The following TTC23L variants were observed in gnomAD, a reference collection of about 807,000 sequenced individuals.
TTC23L encodes tetratricopeptide repeat domain 23 like.
TTC23L carries 42 observed loss-of-function variants against 48.1 expected under a neutral mutation model. That is an observed-to-expected ratio of 0.87 (90% confidence interval 0.68 to 1.13). TTC23L has a LOEUF of 1.13. Ranked by LOEUF, TTC23L falls within the 50% of genes most tolerant of loss-of-function variation. The pLI, the probability that TTC23L is intolerant of heterozygous loss-of-function variation, is 0.00. For synonymous variants in TTC23L, 159 were observed against 157.2 expected (o/e 1.01, Z -0.09); for missense variants, 391 against 421.0 (o/e 0.93, Z 0.62).
chr5:34,902,339 C>G, downstream of TTC23L: 2 of 277,528 alleles, frequency 7.2e-6, no homozygotes, highest in South Asian at 6.6e-5. Context: ...TCACTTGAAC[C>G]TGGGAGGTGG....
chr5:34,894,846 C>A (rs1190742988), intron 9 of TTC23L, among the ~76,000 whole-genome samples: 1 of 151,722 alleles, frequency 6.6e-6, no homozygotes, highest in African/African-American at 2.4e-5. Flanking sequence ...AGGTGCCTGG[C>A]ACATAGTATG....
At chr5:34,897,109 G>T (rs1206938419) in intron 10 of TTC23L, among the ~76,000 whole-genome samples, 1 of 152,146 alleles carries the variant, frequency 6.6e-6, no homozygotes. Context: ...CCTTCGGCTG[G>T]GTGCTGTAGC....
the TTC23L span, chr5:34,925,139 T>A: frequency 6.9e-7 from 1 of 1,451,914 alleles, no homozygotes; most frequent in Non-Finnish European, 9.1e-7. Context: ...GCTGAAAGGA[T>A]ATATGGTTCA....
In TTC23L at chr5:34,887,131, G is replaced by A. The variant is rs147402825; in HGVS notation, c.1077+6823G>A. ...AGAAGCAGTCTACATCAGGTTCGCA[G>A]GGAGTTTCATCTGATTTCAGGGTAA... On this transcript the variant is annotated intron_variant, in intron 9 of 10. Transcript: ENST00000505624. Among the ~76,000 whole-genome samples the A allele has an allele frequency of 7.5e-3, 1,141 of 152,296 alleles. 11 individuals carry two copies. The highest frequency in any genetic ancestry group is 0.01 in the Non-Finnish European group (710 of 68,016).
At chr5:34,880,046 T>TAA in intron 8 of TTC23L, 135 bp from the exon 9 acceptor site, 3 of 1,049,618 alleles carry the variant, frequency 2.9e-6, no homozygotes, top group Non-Finnish European at 4.0e-6. Flanking sequence ...CTTAGACTTT[T>TAA]AAAGAGTCCT....
intron 3 of TTC23L, among the ~76,000 whole-genome samples, chr5:34,846,182 C>T (rs751638264): frequency 6.6e-6 from 1 of 151,764 alleles, no homozygotes; most frequent in Non-Finnish European, 1.5e-5. Context: ...GAGACTGTGT[C>T]TCTAAGAAAA....
intron 2 of TTC23L, among the ~76,000 whole-genome samples, chr5:34,844,624 T>A (rs1482335903): frequency 1.3e-5 from 2 of 152,170 alleles, no homozygotes; most frequent in Non-Finnish European, 2.9e-5. Flanking sequence ...AAAAGTAAAT[T>A]TTATTTTAAA....
chr5:34,924,861 T>C, the TTC23L span: 2 of 1,604,528 alleles, frequency 1.2e-6, no homozygotes, highest in African/African-American at 2.7e-5. Flanking sequence ...TAGAAGAAGA[T>C]GCTGCTCTTG....
chr5:34,917,476 A>C, the TTC23L span, among the ~76,000 whole-genome samples: 1 of 151,244 alleles, frequency 6.6e-6, no homozygotes, highest in African/African-American at 2.4e-5. Flanking sequence ...TACTAACACT[A>C]CAAAAAAAAA....
chr5:34,915,749 C>T, the TTC23L span: 2 of 1,602,822 alleles, frequency 1.2e-6, no homozygotes, highest in African/African-American at 1.3e-5. Flanking sequence ...ATGGCGGCAA[C>T]CAAGAGGAAA....
At chr5:34,861,207 TCG>T in intron 4 of TTC23L, 1 of 152,260 alleles carries the variant, frequency 6.6e-6, no homozygotes, top group Admixed American at 6.5e-5. Context: ...ACCTTGTGAT[TCG>T]CCCACCTTGG....
chr5:34,865,510 T>C (rs904419260), intron 6 of TTC23L, among the ~76,000 whole-genome samples: 9 of 152,216 alleles, frequency 5.9e-5, no homozygotes, highest in African/African-American at 2.2e-4. Context: ...GATAGTCTTA[T>C]TCTTTTTTCA....
intron 8 of TTC23L, among the ~76,000 whole-genome samples, 192 bp from the exon 9 acceptor site, chr5:34,879,989 T>C (rs578157635): frequency 6.6e-6 from 1 of 152,266 alleles, no homozygotes; most frequent in East Asian, 1.9e-4. Flanking sequence ...AGTGATACTC[T>C]ATCTCAAAAA....
intron 3 of TTC23L, among the ~76,000 whole-genome samples, chr5:34,847,771 G>A (rs1759335728): frequency 6.6e-6 from 1 of 152,204 alleles, no homozygotes. Flanking sequence ...CTAAATGGAT[G>A]TTTTGGAAGC....
intron 9 of TTC23L, chr5:34,883,573 C>A: frequency 6.5e-6 from 1 of 152,752 alleles, no homozygotes; most frequent in South Asian, 2.0e-4. Context: ...TAAATAAAAT[C>A]AGAAATGAAA....
At chr5:34,899,973 G>T (rs1230758156), downstream of TTC23L, among the ~76,000 whole-genome samples, 1 of 152,150 alleles carries the variant, frequency 6.6e-6, no homozygotes, top group African/African-American at 2.4e-5. Flanking sequence ...TTAGTCACAT[G>T]CTTTAAGTTA....
the TTC23L span, chr5:34,922,684 A>G: frequency 1.2e-6 from 2 of 1,612,300 alleles, no homozygotes; most frequent in Non-Finnish European, 8.5e-7. Flanking sequence ...TTTTTGTTGT[A>G]ATTTTTCTAG....
the TTC23L span, chr5:34,907,611 CA>C: frequency 5.9e-5 from 9 of 152,314 alleles, no homozygotes; most frequent in East Asian, 1.7e-3. Flanking sequence ...TGGTTTTCTA[CA>C]CCTTGATTTG....
chr5:34,844,594 T>C (rs1179749788), intron 2 of TTC23L, among the ~76,000 whole-genome samples: 1 of 152,194 alleles, frequency 6.6e-6, no homozygotes, highest in African/African-American at 2.4e-5. Flanking sequence ...CATTCACTAT[T>C]TAAGCAATCA....
Sources: gnomAD v4.1 joint callset for allele counts (sites outside exome capture counted in the v4.1 genomes callset) on GRCh38, gnomAD v4.1.1 for gene constraint, MANE v1.5 for transcripts, NCBI Gene and HGNC (gene_info 2026-07-23, HGNC 2026-07-21) for gene names.